DPYD: variants seen among roughly 807,000 people sequenced by gnomAD.
The protein encoded by DPYD is dihydropyrimidine dehydrogenase, also known as dihydropyrimidine dehydrogenase [NADP(+)].
A neutral mutation model predicts 116.2 loss-of-function variants in DPYD; 109 were observed. That is an observed-to-expected ratio of 0.94 (90% CI 0.80 to 1.10). DPYD has a LOEUF of 1.10. Ranked by LOEUF, DPYD falls within the 50% of genes least tolerant of loss-of-function variation. DPYD has a pLI of 0.00. For synonymous variants in DPYD, 440 were observed against 432.0 expected (o/e 1.02, Z -0.23); for missense variants, 1,302 against 1,254.5 (o/e 1.04, Z -0.57).
chr1:97,129,947 T>A (rs1342888812), intron 20 of DPYD, among the ~76,000 whole-genome samples: 1 of 152,232 alleles, frequency 6.6e-6, no homozygotes, highest in Non-Finnish European at 1.5e-5. Context: ...AGGATTCTCC[T>A]GGTCCATACC....
At chr1:97,367,007 G>C (rs1434290852) in intron 16 of DPYD, among the ~76,000 whole-genome samples, 3 of 152,020 alleles carry the variant, frequency 2.0e-5, no homozygotes, top group Admixed American at 6.6e-5. Context: ...GACATCTATG[G>C]GGGTCTGATC....
At position 97,600,559 on chromosome 1, in the gene DPYD, C is replaced by T. The variant is rs980860947; in HGVS notation, c.851-5393G>A. On this transcript the variant is annotated intron_variant, in intron 8 of 22. Coordinates refer to ENST00000370192, the MANE Select transcript of DPYD (RefSeq NM_000110.4). The stretch of plus-strand genomic sequence containing the variant: ...ACTGAAAACTCTGAAGTCAGACTTC[C>T]TGCATTAAAATTCTAGTTCTAGCAC... Among the ~76,000 whole-genome samples the T allele has an allele frequency of 9.2e-5, 14 of 152,196 alleles. No homozygotes were observed. The South Asian group carries it at 2.9e-3, about 32-fold the overall frequency.
intron 2 of DPYD, among the ~76,000 whole-genome samples, chr1:97,871,437 G>C (rs966170173): frequency 1.3e-5 from 2 of 151,694 alleles, no homozygotes; most frequent in Admixed American, 1.3e-4. Context: ...ACACATTTCA[G>C]GTTAGCAGTT....
intron 20 of DPYD, among the ~76,000 whole-genome samples, chr1:97,177,185 T>C (rs1657341095): frequency 6.6e-6 from 1 of 152,188 alleles, no homozygotes; most frequent in Non-Finnish European, 1.5e-5. Flanking sequence ...TTACTGTTAA[T>C]GTTTGCATCT....
chr1:97,880,195 G>C (rs1315523335), intron 2 of DPYD, among the ~76,000 whole-genome samples: 1 of 151,722 alleles, frequency 6.6e-6, no homozygotes, highest in Non-Finnish European at 1.5e-5. Flanking sequence ...GAGAGTTTGA[G>C]CTCTGGGCAC....
At chr1:97,362,564 T>TCAA (rs1161514652) in intron 16 of DPYD, among the ~76,000 whole-genome samples, 1 of 152,154 alleles carries the variant, frequency 6.6e-6, no homozygotes, top group Non-Finnish European at 1.5e-5. Context: ...ATTACAAGGC[T>TCAA]ACAGTAACCA....
At chr1:97,565,066 C>T (rs998355201) in intron 11 of DPYD, among the ~76,000 whole-genome samples, 2 of 152,040 alleles carry the variant, frequency 1.3e-5, no homozygotes, top group African/African-American at 4.8e-5. Flanking sequence ...AACTTGAGAG[C>T]TGCCCATCTG....
chr1:97,520,907 G>T (rs1041223579), intron 12 of DPYD, among the ~76,000 whole-genome samples: 6 of 152,016 alleles, frequency 3.9e-5, no homozygotes, highest in Non-Finnish European at 7.4e-5. Context: ...TCAAGTCTTT[G>T]CAATTGTGAA....
intron 2 of DPYD, among the ~76,000 whole-genome samples, chr1:97,840,041 T>C (rs1394616923): frequency 2.6e-5 from 4 of 152,200 alleles, no homozygotes; most frequent in Non-Finnish European, 4.4e-5. Context: ...CTCAATAATT[T>C]TCCCTTCACT....
intron 18 of DPYD, among the ~76,000 whole-genome samples, chr1:97,292,733 C>G (rs1666292227): frequency 6.6e-6 from 1 of 151,712 alleles, no homozygotes; most frequent in Admixed American, 6.6e-5. Context: ...CACACACACA[C>G]ACACACACAC....
intron 16 of DPYD, among the ~76,000 whole-genome samples, chr1:97,347,079 T>A (rs973691337): frequency 6.6e-6 from 1 of 151,908 alleles, no homozygotes; most frequent in Non-Finnish European, 1.5e-5. Flanking sequence ...CCAATCCTGA[T>A]ATTTTCATTT....
intron 14 of DPYD, among the ~76,000 whole-genome samples, chr1:97,406,493 A>G (rs7555984): frequency 0.24 from 36,975 of 150,998 alleles, 4,662 homozygotes; most frequent in South Asian, 0.38. Flanking sequence ...ATGGTGGTTT[A>G]CTGCACCCAT....
At chr1:97,790,858 T>C (rs550655276) in intron 3 of DPYD, among the ~76,000 whole-genome samples, 1 of 152,212 alleles carries the variant, frequency 6.6e-6, no homozygotes, top group Non-Finnish European at 1.5e-5. Flanking sequence ...TTAAAGATTA[T>C]CTACAATTTT....
intron 10 of DPYD, among the ~76,000 whole-genome samples, chr1:97,578,571 A>C (rs1003141040): frequency 2.0e-5 from 3 of 152,236 alleles, no homozygotes; most frequent in South Asian, 2.1e-4. Context: ...ATCTGAAATT[A>C]GGATCTGGCT....
chr1:97,689,086 C>A (rs1660881073), intron 7 of DPYD, among the ~76,000 whole-genome samples: 2 of 143,118 alleles, frequency 1.4e-5, no homozygotes, highest in Admixed American at 7.1e-5. Flanking sequence ...TTTTAACATA[C>A]TAGATATTGA....
intron 16 of DPYD, among the ~76,000 whole-genome samples, chr1:97,325,412 C>A (rs1668660980): frequency 6.6e-6 from 1 of 152,004 alleles, no homozygotes; most frequent in Non-Finnish European, 1.5e-5. Context: ...TTTCTTACTG[C>A]TTTTTCCTTT....
intron 12 of DPYD, chr1:97,545,620 T>C (rs1650782688): frequency 1.7e-6 from 1 of 599,914 alleles, no homozygotes; most frequent in South Asian, 2.2e-5. Flanking sequence ...TGCTGGATTA[T>C]GCAAGAGAGT....
intron 19 of DPYD, among the ~76,000 whole-genome samples, chr1:97,223,613 T>C (rs1160003830): frequency 1.3e-5 from 2 of 152,090 alleles, no homozygotes; most frequent in African/African-American, 4.8e-5. Flanking sequence ...ATATTTTTTA[T>C]CTATAGAGGA....
Position 97,351,129 on chromosome 1 carries a change from ATC to A in DPYD, c.2058+22430_2058+22431del, listed in dbSNP as rs1382968988. On this transcript the variant is annotated intron_variant, in intron 16 of 22. Transcript: ENST00000370192. ...TTTGCTTATTTATTTTCAGTTTATT[ATC>A]TCTCTTTCAAAACTTCATAGCTCTT... 6.6e-5 allele frequency among the ~76,000 whole-genome samples: 10 copies of A among 152,242 alleles called. No individual in the cohort carries two copies. In the East Asian group the frequency reaches 1.5e-3, roughly 23 times the overall value.
Sources: allele counts gnomAD v4.1 joint callset (sites outside exome capture counted in the v4.1 genomes callset), GRCh38; gene constraint gnomAD v4.1.1; transcripts MANE v1.5; gene names NCBI Gene and HGNC (gene_info 2026-07-23, HGNC 2026-07-21).